ARHGEF9: variants seen among roughly 807,000 people sequenced by gnomAD.
The protein encoded by ARHGEF9 is rho guanine nucleotide exchange factor 9.
In ARHGEF9, 2 loss-of-function variants were observed where a neutral mutation model predicts 41.3. The observed-to-expected ratio is 0.05, with a 90% confidence interval of 0.02 to 0.15. ARHGEF9 has a LOEUF of 0.15. Among genes scored for constraint, ARHGEF9 ranks in the 10% least tolerant of loss-of-function variants. ARHGEF9 has a pLI of 1.00. For synonymous variants in ARHGEF9, 160 were observed against 154.4 expected (o/e 1.04, Z -0.27); for missense variants, 225 against 424.7 (o/e 0.53, Z 4.13).
intron 1 of ARHGEF9, among the ~76,000 whole-genome samples, chrX:63,763,224 G>T (rs2056062477): frequency 9.1e-6 from 1 of 110,399 alleles, no homozygotes; most frequent in Non-Finnish European, 1.9e-5. Flanking sequence ...TAAAGAAGAG[G>T]GGAAAAATAT....
intron 4 of ARHGEF9, among the ~76,000 whole-genome samples, chrX:63,682,369 G>T (rs782297514): frequency 1.8e-5 from 2 of 109,826 alleles, no homozygotes; most frequent in African/African-American, 6.6e-5. Flanking sequence ...AAAAAAATTA[G>T]CCAGGCGTGG....
intron 9 of ARHGEF9, chrX:63,639,538 A>T (rs782497917): frequency 8.9e-6 from 1 of 112,026 alleles, no homozygotes; most frequent in African/African-American, 3.2e-5. Context: ...AACAGGATAC[A>T]GTCAAGATAT....
chrX:63,644,107 T>A, intron 8 of ARHGEF9, 59 bp from the exon 9 acceptor site: 1 of 830,872 alleles, frequency 1.2e-6, no homozygotes. Flanking sequence ...ACTGAGTGTA[T>A]AAATGAGTAA....
At chrX:63,746,540 T>C (rs1390330461) in intron 1 of ARHGEF9, among the ~76,000 whole-genome samples, 1 of 112,060 alleles carries the variant, frequency 8.9e-6, no homozygotes, top group Non-Finnish European at 1.9e-5. Flanking sequence ...CCACTACCAC[T>C]AGTCACTACC....
intron 1 of ARHGEF9, among the ~76,000 whole-genome samples, chrX:63,768,698 C>G (rs782207573): frequency 2.7e-5 from 3 of 111,564 alleles, no homozygotes. Context: ...GGGCAGTCTC[C>G]CCCATATGGT....
At chrX:63,714,216 C>T (rs1556408734) in intron 2 of ARHGEF9, among the ~76,000 whole-genome samples, 3 of 111,155 alleles carry the variant, frequency 2.7e-5, no homozygotes, top group Admixed American at 1.9e-4. Flanking sequence ...CACCTCTGTA[C>T]CTTGTATCCT....
intron 1 of ARHGEF9, among the ~76,000 whole-genome samples, chrX:63,775,325 G>T (rs1602750196): frequency 8.9e-6 from 1 of 112,228 alleles, no homozygotes; most frequent in African/African-American, 3.2e-5. Flanking sequence ...CCCATTACTG[G>T]GTATATAGCC....
chrX:63,756,987 G>A (rs1371175948), intron 1 of ARHGEF9, among the ~76,000 whole-genome samples: 3 of 111,743 alleles, frequency 2.7e-5, no homozygotes, highest in East Asian at 5.6e-4. Context: ...TTTACCTTTC[G>A]TAACTTTTCT....
chrX:63,709,265 G>A (rs1484506955), intron 2 of ARHGEF9: 1 of 111,982 alleles, frequency 8.9e-6, no homozygotes, highest in Non-Finnish European at 1.9e-5. Flanking sequence ...TAAAGGCTGG[G>A]GAAACCAGCC....
intron 8 of ARHGEF9, 54 bp downstream of exon 8, chrX:63,655,440 A>G: frequency 8.3e-7 from 1 of 1,207,372 alleles, no homozygotes; most frequent in Non-Finnish European, 1.1e-6. Flanking sequence ...AACCAATTCA[A>G]ACCTCCTATG....
intron 1 of ARHGEF9, among the ~76,000 whole-genome samples, chrX:63,743,613 G>T (rs1271650002): frequency 1.8e-5 from 2 of 112,327 alleles, no homozygotes; most frequent in African/African-American, 6.5e-5. Context: ...GCAAGAACCT[G>T]CAATTTCTAA....
intron 4 of ARHGEF9, 23 bp from the exon 5 acceptor site, chrX:63,678,595 A>G (rs2050416875): frequency 8.9e-7 from 1 of 1,119,197 alleles, no homozygotes; most frequent in South Asian, 1.9e-5. Flanking sequence ...AAAAAAAGGA[A>G]AGGAAAAGTC....
Position 63,637,287 on chromosome X carries a change from T to C in ARHGEF9, c.*741A>G, listed in dbSNP as rs782442759. ...CTGATACTCCCTTGCTTCTGTTTGG[T>C]TTTTTGATCCCTTCACAGTACCTAA... On this transcript the variant is annotated 3_prime_UTR_variant, in exon 10 of 10. Coordinates refer to ENST00000671741, the MANE Select transcript of ARHGEF9 (RefSeq NM_001353921.2). 3.4e-6 allele frequency: 1 copy of C among 296,940 alleles called. No individual in the cohort carries two copies. The highest frequency in any genetic ancestry group is 2.7e-5 in the African/African-American group (1 of 36,849). 24.5% of individuals were successfully genotyped at this position (296,940 alleles called of 1,213,427 possible).
chrX:63,647,498 T>A (rs2048194263), intron 8 of ARHGEF9, among the ~76,000 whole-genome samples: 1 of 111,898 alleles, frequency 8.9e-6, no homozygotes, highest in Non-Finnish European at 1.9e-5. Context: ...TCATGTGGTT[T>A]TTGTCATTGG....
intron 2 of ARHGEF9, among the ~76,000 whole-genome samples, chrX:63,715,576 A>G (rs1569486290): frequency 8.9e-6 from 1 of 111,999 alleles, no homozygotes; most frequent in Non-Finnish European, 1.9e-5. Context: ...TTACTTTCTG[A>G]TCCTCCAGGA....
chrX:63,738,404 A>G (rs1490260574), intron 1 of ARHGEF9, among the ~76,000 whole-genome samples: 1 of 111,935 alleles, frequency 8.9e-6, no homozygotes, highest in Non-Finnish European at 1.9e-5. Context: ...CTATCCAAAA[A>G]TAAAATTTTA....
chrX:63,698,724 T>G (rs1230727442), intron 3 of ARHGEF9, among the ~76,000 whole-genome samples: 2 of 111,301 alleles, frequency 1.8e-5, no homozygotes, highest in Non-Finnish European at 3.8e-5. Flanking sequence ...CACTTCCCCT[T>G]CCCATATCTG....
chrX:63,782,366 C>T (rs1224013098), intron 1 of ARHGEF9, among the ~76,000 whole-genome samples: 2 of 111,917 alleles, frequency 1.8e-5, no homozygotes, highest in African/African-American at 3.3e-5. Context: ...ACATAAAAGC[C>T]GGGTCCTAAA....
At chrX:63,711,554 A>G (rs1602515014) in intron 2 of ARHGEF9, among the ~76,000 whole-genome samples, 1 of 111,981 alleles carries the variant, frequency 8.9e-6, no homozygotes, top group African/African-American at 3.2e-5. Context: ...TTCAAGGGGG[A>G]AAATATAGTT....
Sources: gnomAD v4.1 joint callset for allele counts (sites outside exome capture counted in the v4.1 genomes callset) on GRCh38, gnomAD v4.1.1 for gene constraint, MANE v1.5 for transcripts, NCBI Gene and HGNC (gene_info 2026-07-23, HGNC 2026-07-21) for gene names.